LRP1B: variants seen among roughly 807,000 people sequenced by gnomAD.
LRP1B encodes LDL receptor related protein 1B, also known as low-density lipoprotein receptor-related protein 1B.
In LRP1B, 217 loss-of-function variants were observed where a neutral mutation model predicts 556.6. That is an observed-to-expected ratio of 0.39 (90% CI 0.35 to 0.44). The LOEUF is 0.44. Among genes scored for constraint, LRP1B ranks in the 20% least tolerant of loss-of-function variants. The pLI, the probability that LRP1B is intolerant of heterozygous loss-of-function variation, is 1.00. For missense variants in LRP1B, 5,053 were observed against 5,620.8 expected, an observed-to-expected ratio of 0.90 and a Z score of 3.23; for synonymous variants, 2,047 against 1,865.8, an observed-to-expected ratio of 1.10 and a Z score of -2.50.
At chr2:140,816,552 A>G (rs762958115) in intron 31 of LRP1B, among the ~76,000 whole-genome samples, 6 of 152,150 alleles carry the variant, frequency 3.9e-5, no homozygotes, top group Non-Finnish European at 7.4e-5. Flanking sequence ...TCAAATTAAT[A>G]TTTTTAAGAT....
intron 41 of LRP1B, 58 bp from the exon 42 acceptor site, chr2:140,601,697 G>A (rs1470735274): frequency 3.9e-6 from 5 of 1,276,524 alleles, no homozygotes; most frequent in South Asian, 1.8e-5. Context: ...AATGACTTCT[G>A]GACAGAAAAA....
chr2:140,900,171 TG>T (rs1166838371), intron 23 of LRP1B, among the ~76,000 whole-genome samples: 4 of 152,330 alleles, frequency 2.6e-5, no homozygotes, highest in South Asian at 2.1e-4. Flanking sequence ...TCTCTGTCCC[TG>T]GTCACCTGTA....
chr2:141,249,366 G>A (rs1684181525), intron 4 of LRP1B, among the ~76,000 whole-genome samples: 1 of 152,156 alleles, frequency 6.6e-6, no homozygotes, highest in Non-Finnish European at 1.5e-5. Context: ...GTAGGCCAAG[G>A]CGGGCAGATT....
intron 7 of LRP1B, among the ~76,000 whole-genome samples, chr2:141,140,666 A>G (rs940995658): frequency 5.3e-5 from 8 of 152,102 alleles, no homozygotes; most frequent in Non-Finnish European, 1.0e-4. Flanking sequence ...CTTAGGGGAA[A>G]CCAAACCTGC....
At chr2:140,764,227 A>G (rs947068498) in intron 35 of LRP1B, among the ~76,000 whole-genome samples, 5 of 152,188 alleles carry the variant, frequency 3.3e-5, no homozygotes, top group African/African-American at 1.2e-4. Flanking sequence ...ATGGGTTTAA[A>G]AATCACATGA....
intron 7 of LRP1B, among the ~76,000 whole-genome samples, chr2:141,155,978 C>A: frequency 6.6e-6 from 1 of 152,034 alleles, no homozygotes; most frequent in Non-Finnish European, 1.5e-5. Flanking sequence ...ATAATTCCTA[C>A]AGGAACATAA....
rs1307403955 is a variant in LRP1B, at chr2:141,510,515, G to A, written c.206-29982C>T. Among the ~76,000 whole-genome samples the A allele has an allele frequency of 2.0e-5, 3 of 152,096 alleles. No homozygotes were observed. In the East Asian group the frequency reaches 5.8e-4, roughly 29 times the overall value. Reference sequence around the variant, plus strand: ...CACACCTTTTTCCTTTTACCAGCAGGTGTGTTGGGTAGGTAAAACATACTT... The same window carrying A: ...CACACCTTTTTCCTTTTACCAGCAGATGTGTTGGGTAGGTAAAACATACTT... On this transcript the variant is annotated intron_variant, in intron 2 of 90. Transcript: ENST00000389484.
intron 18 of LRP1B, among the ~76,000 whole-genome samples, chr2:140,962,944 T>C (rs973125368): frequency 2.0e-5 from 3 of 152,140 alleles, no homozygotes; most frequent in Admixed American, 1.3e-4. Context: ...GAGTCACTGT[T>C]GTAGGAAAAC....
intron 2 of LRP1B, among the ~76,000 whole-genome samples, chr2:141,774,194 G>C (rs1180261380): frequency 6.6e-6 from 1 of 152,178 alleles, no homozygotes; most frequent in South Asian, 2.1e-4. Context: ...GGATGTTTCA[G>C]GCTGTTTTTG....
chr2:141,157,674 CATTA>C (rs1558899484), intron 7 of LRP1B, among the ~76,000 whole-genome samples: 3 of 152,014 alleles, frequency 2.0e-5, no homozygotes, highest in African/African-American at 7.2e-5. Flanking sequence ...ATATTCTCGT[CATTA>C]ATTACACAAA....
At chr2:141,334,797 C>T (rs1325002794) in intron 3 of LRP1B, among the ~76,000 whole-genome samples, 1 of 152,148 alleles carries the variant, frequency 6.6e-6, no homozygotes, top group African/African-American at 2.4e-5. Context: ...GATGATCTGC[C>T]CGCCTCAGCC....
intron 2 of LRP1B, among the ~76,000 whole-genome samples, chr2:141,766,534 T>A (rs948183530): frequency 3.9e-5 from 6 of 152,164 alleles, no homozygotes; most frequent in Admixed American, 2.6e-4. Context: ...TTAAAACTCA[T>A]CTTCATGGCA....
intron 2 of LRP1B, among the ~76,000 whole-genome samples, chr2:141,799,588 T>C (rs1695936053): frequency 6.6e-6 from 1 of 152,172 alleles, no homozygotes; most frequent in South Asian, 2.1e-4. Flanking sequence ...ACCCTCTCGA[T>C]AAGTCCCCAG....
At chr2:141,392,481 A>AAT (rs61443034) in intron 3 of LRP1B, among the ~76,000 whole-genome samples, 3,685 of 144,690 alleles carry the variant, frequency 0.025, 175 homozygotes, top group African/African-American at 0.095. Flanking sequence ...AAAAAAAAAA[A>AAT]GAGAGACTGT....
chr2:141,179,064 G>C (rs1051481456), intron 7 of LRP1B, among the ~76,000 whole-genome samples: 1 of 151,862 alleles, frequency 6.6e-6, no homozygotes, highest in Non-Finnish European at 1.5e-5. Flanking sequence ...AATTATAATT[G>C]TTTTATGCAA....
intron 32 of LRP1B, among the ~76,000 whole-genome samples, chr2:140,801,878 G>T (rs1690526457): frequency 6.6e-6 from 1 of 152,072 alleles, no homozygotes; most frequent in South Asian, 2.1e-4. Context: ...AACTGCTGTA[G>T]CTCCGACAAG....
intron 20 of LRP1B, among the ~76,000 whole-genome samples, chr2:140,928,532 C>T (rs1165634633): frequency 1.3e-5 from 2 of 151,998 alleles, no homozygotes; most frequent in Non-Finnish European, 2.9e-5. Context: ...ATATCTGATG[C>T]AAAAGGAAGA....
At chr2:141,873,365 AG>A (rs1698651029) in intron 1 of LRP1B, among the ~76,000 whole-genome samples, 1 of 151,932 alleles carries the variant, frequency 6.6e-6, no homozygotes, top group South Asian at 2.1e-4. Context: ...TTTTGGTTGT[AG>A]TACTGGTGAA....
chr2:141,284,172 TA>T (rs1279148238), intron 3 of LRP1B, among the ~76,000 whole-genome samples: 1 of 152,018 alleles, frequency 6.6e-6, no homozygotes, highest in African/African-American at 2.4e-5. Context: ...AGCAGTGCAA[TA>T]AAAAAGAAGG....
Sources: gnomAD v4.1 joint callset for allele counts (sites outside exome capture counted in the v4.1 genomes callset) on GRCh38, gnomAD v4.1.1 for gene constraint, MANE v1.5 for transcripts, NCBI Gene and HGNC (gene_info 2026-07-23, HGNC 2026-07-21) for gene names.